Variants in THSD7B observed in about 807,000 individuals in gnomAD.
THSD7B encodes thrombospondin type-1 domain-containing protein 7B.
Under a neutral mutation model 213.6 loss-of-function variants are expected in THSD7B, and 138 were observed. The ratio of observed to expected loss-of-function variants is 0.65; its 90% CI spans 0.56 to 0.74. The LOEUF (loss-of-function observed/expected upper bound fraction) is 0.74, where lower values mean the gene tolerates loss of function less well. THSD7B is among the 30% of genes least tolerant of loss of function. The probability of loss-of-function intolerance (pLI) is 0.00; values close to 1 mark genes in which losing one functional copy is unlikely to be tolerated. For synonymous variants in THSD7B, 742 were observed against 687.0 expected (o/e 1.08, Z -1.25); for missense variants, 1,931 against 1,991.5 (o/e 0.97, Z 0.58).
chr2:137,163,226 A>G (rs1283638124), intron 6 of THSD7B, among the ~76,000 whole-genome samples: 1 of 152,190 alleles, frequency 6.6e-6, no homozygotes, highest in Admixed American at 6.5e-5. Flanking sequence ...TCCATCATTC[A>G]TAAGACACCA....
intron 17 of THSD7B, among the ~76,000 whole-genome samples, chr2:137,602,778 C>T (rs960746895): frequency 6.6e-6 from 1 of 152,176 alleles, no homozygotes; most frequent in Non-Finnish European, 1.5e-5. Flanking sequence ...CTAATTACCT[C>T]TTAAAAGTCC....
chr2:137,296,962 T>C (rs1157769644), intron 12 of THSD7B, among the ~76,000 whole-genome samples: 1 of 152,066 alleles, frequency 6.6e-6, no homozygotes, highest in Non-Finnish European at 1.5e-5. Flanking sequence ...GAGATTCAAA[T>C]ATGTGGTTCA....
intron 15 of THSD7B, among the ~76,000 whole-genome samples, chr2:137,498,239 C>G (rs1181983283): frequency 6.6e-6 from 1 of 152,054 alleles, no homozygotes; most frequent in East Asian, 1.9e-4. Context: ...AGCTCCCCAT[C>G]ATGTGCCAAG....
chr2:137,069,745 A>C (rs1232964819), intron 3 of THSD7B, among the ~76,000 whole-genome samples: 1 of 151,948 alleles, frequency 6.6e-6, no homozygotes, highest in African/African-American at 2.4e-5. Context: ...AACATAAATA[A>C]AAATAAGTCC....
intron 17 of THSD7B, among the ~76,000 whole-genome samples, chr2:137,610,620 C>T (rs980998432): frequency 6.6e-6 from 1 of 152,128 alleles, no homozygotes; most frequent in African/African-American, 2.4e-5. Flanking sequence ...TTGACTCAGA[C>T]ACTAGCTTTT....
chr2:137,502,796 A>G (rs1679740311), intron 15 of THSD7B, among the ~76,000 whole-genome samples: 1 of 152,148 alleles, frequency 6.6e-6, no homozygotes, highest in African/African-American at 2.4e-5. Context: ...GCACAACAAT[A>G]TCTCTGATTC....
chr2:136,985,603 C>T (rs1214840320), intron 2 of THSD7B, among the ~76,000 whole-genome samples: 1 of 152,224 alleles, frequency 6.6e-6, no homozygotes, highest in African/African-American at 2.4e-5. Context: ...AGAAACCTGC[C>T]ACAGTGGTGG....
At chr2:136,841,283 G>A (rs1037096055) in intron 1 of THSD7B, among the ~76,000 whole-genome samples, 9 of 151,978 alleles carry the variant, frequency 5.9e-5, no homozygotes, top group African/African-American at 1.9e-4. Context: ...AGTTTTAAAG[G>A]TAATGCACAT....
At chr2:137,599,439 T>C (rs1573735306) in intron 17 of THSD7B, among the ~76,000 whole-genome samples, 1 of 151,722 alleles carries the variant, frequency 6.6e-6, no homozygotes, top group Non-Finnish European at 1.5e-5. Context: ...CTATGAGATA[T>C]CATCTCACAC....
intron 5 of THSD7B, among the ~76,000 whole-genome samples, chr2:137,137,357 G>A (rs1412136725): frequency 6.6e-6 from 1 of 152,070 alleles, no homozygotes; most frequent in Non-Finnish European, 1.5e-5. Context: ...TTCTGTTCTA[G>A]GATTTTGTAT....
intron 12 of THSD7B, among the ~76,000 whole-genome samples, chr2:137,361,421 T>C (rs555854742): frequency 1.3e-4 from 20 of 152,072 alleles, no homozygotes; most frequent in African/African-American, 3.9e-4. Flanking sequence ...AAGTCGGTAA[T>C]GATAAACTTC....
chr2:137,175,080 T>G (rs915812866), intron 7 of THSD7B, among the ~76,000 whole-genome samples: 4 of 152,204 alleles, frequency 2.6e-5, no homozygotes, highest in Non-Finnish European at 5.9e-5. Flanking sequence ...ACCCTCATAA[T>G]GCCAGGCCAG....
chr2:137,547,365 C>T (rs146283086), intron 15 of THSD7B, among the ~76,000 whole-genome samples: 3 of 152,088 alleles, frequency 2.0e-5, no homozygotes, highest in African/African-American at 7.2e-5. Flanking sequence ...TATATTTTAA[C>T]TCGTAATATA....
intron 4 of THSD7B, among the ~76,000 whole-genome samples, chr2:137,101,190 A>G (rs1049070032): frequency 6.6e-6 from 1 of 152,012 alleles, no homozygotes; most frequent in East Asian, 1.9e-4. Context: ...GGCATGTGCC[A>G]CCATGCCTGG....
At chr2:137,123,113 C>T (rs192604477) in intron 5 of THSD7B, among the ~76,000 whole-genome samples, 186 of 152,244 alleles carry the variant, frequency 1.2e-3, no homozygotes, top group Admixed American at 5.0e-3. Flanking sequence ...GTCCTTGGCT[C>T]GTGCTGTGTG....
intron 26 of THSD7B, among the ~76,000 whole-genome samples, chr2:137,664,497 A>G (rs1329619778): frequency 2.0e-5 from 3 of 152,134 alleles, no homozygotes; most frequent in South Asian, 2.1e-4. Context: ...GGGCTCAGTA[A>G]TCGACTCTTA....
At chr2:137,107,654 G>A (rs1490274722) in intron 4 of THSD7B, among the ~76,000 whole-genome samples, 2 of 152,032 alleles carry the variant, frequency 1.3e-5, no homozygotes, top group Admixed American at 6.6e-5. Context: ...CTTTTTTATT[G>A]CATTTGTCTA....
intron 5 of THSD7B, among the ~76,000 whole-genome samples, chr2:137,136,718 T>A (rs62172319): frequency 0.14 from 20,920 of 152,256 alleles, 1,813 homozygotes; most frequent in Non-Finnish European, 0.19. Flanking sequence ...GGATTAACTC[T>A]TTCAAGTTCA....
intron 10 of THSD7B, among the ~76,000 whole-genome samples, chr2:137,253,937 A>G (rs560488141): frequency 7.3e-4 from 111 of 152,260 alleles, no homozygotes; most frequent in Non-Finnish European, 1.4e-3. Context: ...TAAAGCCTAG[A>G]ATTAGAGGTG....
Sources: gnomAD v4.1 joint callset for allele counts (sites outside exome capture counted in the v4.1 genomes callset) on GRCh38, gnomAD v4.1.1 for gene constraint, MANE v1.5 for transcripts, NCBI Gene and HGNC (gene_info 2026-07-23, HGNC 2026-07-21) for gene names.